The following PYHIN1 variants were observed in gnomAD, a reference collection of about 807,000 sequenced individuals.
PYHIN1 encodes the protein pyrin and HIN domain-containing protein 1.
PYHIN1 carries 32 observed loss-of-function variants against 43.7 expected under a neutral mutation model. The ratio of observed to expected loss-of-function variants is 0.73; its 90% CI spans 0.55 to 0.98. The LOEUF (loss-of-function observed/expected upper bound fraction) is 0.98. Among genes scored for constraint, PYHIN1 ranks in the 50% least tolerant of loss-of-function variants. The pLI, the probability that PYHIN1 is intolerant of heterozygous loss-of-function variation, is 0.00. For synonymous variants in PYHIN1, 205 were observed against 203.1 expected, an observed-to-expected ratio of 1.01 and a Z score of -0.08; for missense variants, 588 against 589.5, an observed-to-expected ratio of 1.00 and a Z score of 0.03.
At chr1:158,977,415 G>C (rs1651335224), downstream of PYHIN1, among the ~76,000 whole-genome samples, 1 of 152,126 alleles carries the variant, frequency 6.6e-6, no homozygotes, top group African/African-American at 2.4e-5. Flanking sequence ...GCCTATGTTA[G>C]AGGAATTCCT....
At chr1:158,935,906 C>G (rs1648506510) in intron 1 of PYHIN1, among the ~76,000 whole-genome samples, 1 of 152,110 alleles carries the variant, frequency 6.6e-6, no homozygotes, top group Non-Finnish European at 1.5e-5. Context: ...ACAGACCTCC[C>G]TCTAACACCT....
rs138428191 is a variant in PYHIN1 at position 158,976,993 on chromosome 1, A to T, written c.*298A>T. Reference sequence around the variant, plus strand: ...AGTTTTACTTTTATGCATTTTCTTCATATCATATTTTGCATTCAGAATTTT... The same window carrying T: ...AGTTTTACTTTTATGCATTTTCTTCTTATCATATTTTGCATTCAGAATTTT... On this transcript the variant is annotated 3_prime_UTR_variant, in exon 9 of 9. Transcript: ENST00000368140. 9.9e-6 allele frequency: 2 copies of T among 201,608 alleles called. No homozygotes were observed. Among genetic ancestry groups the T allele is most frequent in the Non-Finnish European group, 1.9e-5 (2 of 104,338 alleles). 12.5% of individuals were successfully genotyped at this position (201,608 alleles called of 1,614,324 possible).
At chr1:158,973,044 C>T (rs1046169615) in intron 7 of PYHIN1, among the ~76,000 whole-genome samples, 3 of 151,942 alleles carry the variant, frequency 2.0e-5, no homozygotes, top group Non-Finnish European at 2.9e-5. Context: ...GCCACAGCAC[C>T]CTCTATCAGC....
At chr1:158,988,244 A>G in the PYHIN1 span, among the ~76,000 whole-genome samples, 3 of 152,204 alleles carry the variant, frequency 2.0e-5, no homozygotes, top group African/African-American at 7.2e-5. Context: ...ATTGTAACAA[A>G]TACTTAAAAA....
chr1:158,971,166 A>G (rs1339773566), intron 7 of PYHIN1, among the ~76,000 whole-genome samples: 1 of 152,004 alleles, frequency 6.6e-6, no homozygotes, highest in East Asian at 1.9e-4. Flanking sequence ...TGTTGTCCTC[A>G]CTTGGAAACC....
chr1:158,977,804 T>C (rs894684340), downstream of PYHIN1, among the ~76,000 whole-genome samples: 7 of 152,148 alleles, frequency 4.6e-5, no homozygotes, highest in African/African-American at 7.2e-5. Context: ...GGTGGTCTTA[T>C]ATAGTCCTTG....
chr1:158,962,364 C>T (rs183566044), intron 7 of PYHIN1, among the ~76,000 whole-genome samples: 2 of 152,112 alleles, frequency 1.3e-5, no homozygotes, highest in Non-Finnish European at 2.9e-5. Context: ...GCACCAGTTG[C>T]CTTCAGGTTC....
downstream of PYHIN1, among the ~76,000 whole-genome samples, chr1:158,980,936 C>T (rs184549348): frequency 1.3e-5 from 2 of 152,252 alleles, no homozygotes; most frequent in Admixed American, 6.5e-5. Flanking sequence ...CTCAGGCGGG[C>T]ATCATGGTCC....
intron 7 of PYHIN1, among the ~76,000 whole-genome samples, chr1:158,970,095 T>C (rs377645461): frequency 8.6e-5 from 13 of 151,942 alleles, no homozygotes; most frequent in African/African-American, 2.9e-4. Context: ...GACAGAAGCA[T>C]GACCATCTGT....
At chr1:158,949,476 T>C (rs972338508) in intron 7 of PYHIN1, among the ~76,000 whole-genome samples, 4 of 151,882 alleles carry the variant, frequency 2.6e-5, no homozygotes, top group Non-Finnish European at 4.4e-5. Context: ...TGGTGCGCTG[T>C]ACCCACTAAC....
chr1:158,967,907 C>G (rs1425587625), intron 7 of PYHIN1, among the ~76,000 whole-genome samples: 1 of 152,004 alleles, frequency 6.6e-6, no homozygotes, highest in Non-Finnish European at 1.5e-5. Context: ...AAGATTAAAA[C>G]TGGACCCCTT....
chr1:158,958,912 T>G (rs1422970768), intron 7 of PYHIN1, among the ~76,000 whole-genome samples: 1 of 151,244 alleles, frequency 6.6e-6, no homozygotes, highest in Non-Finnish European at 1.5e-5. Context: ...CCTGTGAAAC[T>G]GAGGCTCCGC....
chr1:158,943,056 A>G (rs546366495), intron 5 of PYHIN1, among the ~76,000 whole-genome samples: 1 of 152,272 alleles, frequency 6.6e-6, no homozygotes, highest in East Asian at 1.9e-4. Context: ...AAATTCACGA[A>G]ACTAGTTAGC....
chr1:158,970,988 T>G (rs941391415), intron 7 of PYHIN1, among the ~76,000 whole-genome samples: 1 of 151,996 alleles, frequency 6.6e-6, no homozygotes, highest in Non-Finnish European at 1.5e-5. Context: ...AACTAAAAAG[T>G]TTTTGTAGTT....
chr1:158,943,941 TG>T lies in PYHIN1; in HGVS notation c.1155del (p.Met385IlefsTer4). Reference protein sequence around the residue: ...FCFRLRKRENMSKLMSEMHSF... With the variant: ...FCFRLRKRENXSKLMSEMHSF... ...TTTCGACTGAGAAAGAGGGAAAATATGTCAAAACTGATGTCAGAAATGCATA... is the reference window on the plus strand; with the variant it reads ...TTTCGACTGAGAAAGAGGGAAAATATTCAAAACTGATGTCAGAAATGCATA... On this transcript the variant is annotated frameshift_variant, in exon 6 of 9. Coordinates refer to ENST00000368140, the MANE Select transcript of PYHIN1 (RefSeq NM_152501.5). LOFTEE classifies it high-confidence loss of function. The T allele has an allele frequency of 6.2e-7, 1 of 1,608,738 alleles. No homozygotes were observed. Among genetic ancestry groups the T allele is most frequent in the Non-Finnish European group, 8.5e-7 (1 of 1,176,312 alleles).
At chr1:158,986,895 G>A in the PYHIN1 span, among the ~76,000 whole-genome samples, 1 of 152,154 alleles carries the variant, frequency 6.6e-6, no homozygotes, top group Non-Finnish European at 1.5e-5. Flanking sequence ...CTACAGCTAG[G>A]ATTCTGGAAG....
chr1:158,955,835 A>G (rs1188091767), intron 7 of PYHIN1, among the ~76,000 whole-genome samples: 2 of 80,004 alleles, frequency 2.5e-5, no homozygotes, highest in African/African-American at 8.0e-5. Context: ...GAAAGGATCA[A>G]CAAAATTGAT....
At chr1:158,958,605 G>A (rs1315933416) in intron 7 of PYHIN1, among the ~76,000 whole-genome samples, 1 of 117,118 alleles carries the variant, frequency 8.5e-6, no homozygotes, top group Non-Finnish European at 1.7e-5. Flanking sequence ...GGGGACTGTG[G>A]TGGGGTGGGG....
At chr1:158,957,072 G>C (rs928279547) in intron 7 of PYHIN1, among the ~76,000 whole-genome samples, 2 of 147,926 alleles carry the variant, frequency 1.4e-5, no homozygotes, top group African/African-American at 2.5e-5. Flanking sequence ...TCTTCAAGGA[G>C]ACCTACAAAC....
Sources: allele counts gnomAD v4.1 joint callset (sites outside exome capture counted in the v4.1 genomes callset), GRCh38; gene constraint gnomAD v4.1.1; transcripts MANE v1.5; gene names NCBI Gene and HGNC (gene_info 2026-07-23, HGNC 2026-07-21).